MMP16: variants seen among roughly 807,000 people sequenced by gnomAD.
MMP16 encodes matrix metallopeptidase 16.
In MMP16, 12 loss-of-function variants were observed where a neutral mutation model predicts 67.8. The ratio of observed to expected loss-of-function variants is 0.18; its 90% CI spans 0.11 to 0.29. The LOEUF (loss-of-function observed/expected upper bound fraction) is 0.29. Ranked by LOEUF, MMP16 falls within the 10% of genes least tolerant of loss-of-function variation. The pLI, the probability that MMP16 is intolerant of heterozygous loss-of-function variation, is 1.00. For synonymous variants in MMP16, 249 were observed against 255.9 expected (o/e 0.97, Z 0.26); for missense variants, 475 against 765.7 (o/e 0.62, Z 4.48).
chr8:88,178,150 CA>C (rs1808923422), intron 3 of MMP16, among the ~76,000 whole-genome samples: 1 of 152,002 alleles, frequency 6.6e-6, no homozygotes, highest in South Asian at 2.1e-4. Context: ...CCACTTTCAA[CA>C]AAAAATTACA....
At chr8:88,302,510 A>T (rs1357042839) in intron 1 of MMP16, among the ~76,000 whole-genome samples, 2 of 152,214 alleles carry the variant, frequency 1.3e-5, no homozygotes, top group Non-Finnish European at 2.9e-5. Flanking sequence ...CACTCAGGAC[A>T]AGTGTGTCCA....
intron 6 of MMP16, among the ~76,000 whole-genome samples, chr8:88,106,829 G>A (rs1451396485): frequency 6.6e-6 from 1 of 150,864 alleles, no homozygotes; most frequent in East Asian, 2.0e-4. Flanking sequence ...ATTTTTAAAA[G>A]TAACACTTCC....
chr8:88,069,445 G>C, intron 7 of MMP16: 1 of 531,674 alleles, frequency 1.9e-6, no homozygotes, highest in Non-Finnish European at 3.9e-6. Context: ...GGCACTGACT[G>C]CCTTTGTTCT....
At chr8:88,202,867 G>A (rs1809365215) in intron 1 of MMP16, among the ~76,000 whole-genome samples, 2 of 152,038 alleles carry the variant, frequency 1.3e-5, no homozygotes, top group South Asian at 4.1e-4. Flanking sequence ...TCAAATTTGT[G>A]TCTTTTCACA....
At chr8:88,051,491 C>A (rs2118213783) in intron 8 of MMP16, among the ~76,000 whole-genome samples, 1 of 152,196 alleles carries the variant, frequency 6.6e-6, no homozygotes, top group East Asian at 1.9e-4. Context: ...TGACTTTAAT[C>A]AGATAATTTT....
At chr8:88,156,784 T>C (rs1391873180) in intron 4 of MMP16, among the ~76,000 whole-genome samples, 3 of 152,114 alleles carry the variant, frequency 2.0e-5, no homozygotes, top group African/African-American at 7.2e-5. Context: ...TTTTGTCTTG[T>C]TGATGTCTAG....
At chr8:88,139,557 C>T (rs1026686638) in intron 4 of MMP16, among the ~76,000 whole-genome samples, 1 of 152,082 alleles carries the variant, frequency 6.6e-6, no homozygotes, top group African/African-American at 2.4e-5. Context: ...TATTTATTGA[C>T]TTTCTTTCCA....
At chr8:88,063,630 C>G (rs888016996) in intron 7 of MMP16, among the ~76,000 whole-genome samples, 11 of 151,804 alleles carry the variant, frequency 7.2e-5, no homozygotes, top group African/African-American at 2.7e-4. Flanking sequence ...GGCTGATAAT[C>G]CAGCCTAACG....
At chr8:88,288,543 C>T (rs945972076) in intron 1 of MMP16, among the ~76,000 whole-genome samples, 2 of 152,004 alleles carry the variant, frequency 1.3e-5, no homozygotes, top group African/African-American at 2.4e-5. Flanking sequence ...ATCAACTGAC[C>T]AGTGTTCTGG....
rs144691211 is a variant in MMP16, at chr8:88,081,418, T to G, written c.1084-6675A>C. On this transcript the variant is annotated intron_variant, in intron 6 of 9. Coordinates refer to ENST00000286614, the MANE Select transcript of MMP16 (RefSeq NM_005941.5). ...TTTTTAATAACACCCTATGTTAGAC[T>G]CTATATCTCCCAATCACAGCCATAA... is the stretch of plus-strand genomic sequence containing the variant. Among the ~76,000 whole-genome samples, 742 of 152,244 alleles carry G rather than the reference T, an allele frequency of 4.9e-3. 1 individual carries two copies. The highest frequency in any genetic ancestry group is 7.9e-3 in the Non-Finnish European group (538 of 68,022).
At chr8:88,106,640 C>G (rs1468378747) in intron 6 of MMP16, among the ~76,000 whole-genome samples, 1 of 151,018 alleles carries the variant, frequency 6.6e-6, no homozygotes, top group East Asian at 2.0e-4. Flanking sequence ...TACTATTAAC[C>G]TTTGACTTTT....
At chr8:88,296,045 A>G (rs961908118) in intron 1 of MMP16, among the ~76,000 whole-genome samples, 2 of 152,142 alleles carry the variant, frequency 1.3e-5, no homozygotes, top group African/African-American at 2.4e-5. Context: ...ACTAACTGAG[A>G]CTAGTCCAAA....
chr8:88,279,207 C>A (rs1354976528), intron 1 of MMP16, among the ~76,000 whole-genome samples: 11 of 138,524 alleles, frequency 7.9e-5, no homozygotes, highest in African/African-American at 3.0e-4. Flanking sequence ...GGTGACACAG[C>A]AAGACTCTGT....
chr8:88,281,722 C>T (rs1156466164), intron 1 of MMP16, among the ~76,000 whole-genome samples: 1 of 152,164 alleles, frequency 6.6e-6, no homozygotes, highest in African/African-American at 2.4e-5. Flanking sequence ...CAAGGCTGCC[C>T]CCTGTCAGGG....
chr8:88,075,907 T>A (rs1808641119), intron 6 of MMP16, among the ~76,000 whole-genome samples: 1 of 147,370 alleles, frequency 6.8e-6, no homozygotes, highest in African/African-American at 2.5e-5. Context: ...TGACCAAACT[T>A]TCTAGGATTT....
chr8:88,036,207 C>G lies in MMP16; in HGVS notation c.*5254G>C. 1 of 152,026 alleles carries G rather than the reference C, an allele frequency of 6.6e-6. No individual in the cohort carries two copies. The highest frequency in any genetic ancestry group is 2.1e-4 in the South Asian group (1 of 4,834). The allele number at this position is 152,026 out of a possible 1,614,324, so 9.4% of individuals were successfully genotyped here. A position where few individuals can be genotyped will look rare whatever the true frequency, so the allele number is the denominator to read the frequency against. On this transcript the variant is annotated 3_prime_UTR_variant, in exon 10 of 10. Transcript: ENST00000286614. ...CATGAGTATCAGATGTGTTTAAGCACAGTAACATCTAATGACCACTGGCTA... is the reference window on the plus strand; with the variant it reads ...CATGAGTATCAGATGTGTTTAAGCAGAGTAACATCTAATGACCACTGGCTA...
intron 1 of MMP16, among the ~76,000 whole-genome samples, chr8:88,211,285 G>C (rs1317859112): frequency 6.6e-6 from 1 of 152,144 alleles, no homozygotes; most frequent in Non-Finnish European, 1.5e-5. Flanking sequence ...TGATACTTTA[G>C]AGGTAGACAG....
chr8:88,170,449 A>G (rs565320650), intron 3 of MMP16, among the ~76,000 whole-genome samples: 2 of 152,124 alleles, frequency 1.3e-5, no homozygotes, highest in Non-Finnish European at 2.9e-5. Flanking sequence ...CGTCTAAATT[A>G]ATTTTCCTAA....
intron 1 of MMP16, among the ~76,000 whole-genome samples, chr8:88,216,888 A>G (rs1002697130): frequency 5.9e-5 from 9 of 152,066 alleles, no homozygotes; most frequent in African/African-American, 2.2e-4. Flanking sequence ...TTTATTGGAT[A>G]TATATTTTGA....
Sources: allele counts gnomAD v4.1 joint callset (sites outside exome capture counted in the v4.1 genomes callset), GRCh38; gene constraint gnomAD v4.1.1; transcripts MANE v1.5; gene names NCBI Gene and HGNC (gene_info 2026-07-23, HGNC 2026-07-21).